Variants in GRAMD4 observed in about 807,000 individuals in gnomAD.
GRAMD4 encodes the protein GRAM domain-containing protein 4.
A neutral mutation model predicts 83.9 loss-of-function variants in GRAMD4; 25 were observed. The ratio of observed to expected loss-of-function variants is 0.30; its 90% CI spans 0.22 to 0.42. The LOEUF (loss-of-function observed/expected upper bound fraction) is 0.42, where lower values mean the gene tolerates loss of function less well. GRAMD4 is among the 10% of genes least tolerant of loss of function. The pLI is 1.00. For synonymous variants in GRAMD4, 336 were observed against 320.9 expected (o/e 1.05, Z -0.50); for missense variants, 593 against 788.7 (o/e 0.75, Z 2.97).
chr22:46,617,898 C>G (rs2081525449), upstream of GRAMD4, among the ~76,000 whole-genome samples: 1 of 152,236 alleles, frequency 6.6e-6, no homozygotes, highest in South Asian at 2.1e-4. Flanking sequence ...AGGTTTCTTC[C>G]TGGAGAAACA....
intron 8 of GRAMD4, 27 bp downstream of exon 8, chr22:46,664,144 A>G (rs767990298): frequency 7.7e-7 from 1 of 1,299,928 alleles, no homozygotes; most frequent in South Asian, 1.2e-5. Context: ...GGGGCCGAGC[A>G]GGGTGGGTGG....
chr22:46,575,905 C>A (rs1019914630), upstream of GRAMD4: 1 of 152,298 alleles, frequency 6.6e-6, no homozygotes, highest in Non-Finnish European at 1.5e-5. Context: ...GCCTCTAACC[C>A]AGGTCCATCA....
intron 3 of GRAMD4, among the ~76,000 whole-genome samples, chr22:46,657,943 C>G (rs923411724): frequency 2.6e-5 from 4 of 152,220 alleles, no homozygotes; most frequent in African/African-American, 4.8e-5. Flanking sequence ...TCACCCACCT[C>G]TTGCCCCAGT....
At chr22:46,665,972 G>A (rs774637124) in intron 9 of GRAMD4, among the ~76,000 whole-genome samples, 26 of 152,340 alleles carry the variant, frequency 1.7e-4, no homozygotes, top group South Asian at 4.1e-4. Context: ...GCACCTGCCC[G>A]AACATCGCAG....
intron 1 of GRAMD4, among the ~76,000 whole-genome samples, chr22:46,612,705 A>G (rs1190022242): frequency 6.6e-6 from 1 of 152,214 alleles, no homozygotes; most frequent in Non-Finnish European, 1.5e-5. Context: ...AGCCTGGTGC[A>G]AGGAACCTTA....
intron 1 of GRAMD4, among the ~76,000 whole-genome samples, chr22:46,606,636 A>T (rs61711562): frequency 1.3e-3 from 109 of 86,656 alleles, no homozygotes; most frequent in Middle Eastern, 5.7e-3. Flanking sequence ...GGCTTATGGC[A>T]GGTGCTGAGC....
upstream of GRAMD4, among the ~76,000 whole-genome samples, chr22:46,617,058 G>A (rs565848054): frequency 1.4e-4 from 18 of 126,350 alleles, no homozygotes; most frequent in Non-Finnish European, 1.8e-4. Context: ...GGGTTCCCCC[G>A]TGTGTAGGTT....
At chr22:46,617,866 A>T (rs115816062), upstream of GRAMD4, among the ~76,000 whole-genome samples, 240 of 152,336 alleles carry the variant, frequency 1.6e-3, 1 homozygote, top group African/African-American at 5.5e-3. Context: ...GCCTGAAGAT[A>T]CTTTGCCAAG....
chr22:46,664,461 A>ACTCAGCACT (rs1337521359), intron 8 of GRAMD4, among the ~76,000 whole-genome samples: 3 of 143,514 alleles, frequency 2.1e-5, no homozygotes, highest in African/African-American at 8.1e-5. Flanking sequence ...TCCACAGAGT[A>ACTCAGCACT]CCTGGTGCTG....
At position 46,637,860 on chromosome 22, in the gene GRAMD4, C is replaced by G. The variant is rs200303713; in HGVS notation, c.183C>G (p.Ile61Met). 2.1e-4 allele frequency: 336 copies of G among 1,613,980 alleles called. No homozygotes were observed. The highest frequency in any genetic ancestry group is 2.7e-4 in the Non-Finnish European group (323 of 1,179,946). Reference sequence around the variant, plus strand: ...TCTAGGCTGGTCCAGGGACCCTCATCATGGCCACAGGAGTCCAGGACTTTA... The same window carrying G: ...TCTAGGCTGGTCCAGGGACCCTCATGATGGCCACAGGAGTCCAGGACTTTA... ...LRDPAGPGTL[I>M]MATGVQDFNR... The change falls in exon 3 of 19, where the codon ATC (isoleucine) becomes ATG (methionine). Residue 61 changes from isoleucine (I) to methionine (M), a missense_variant. By Grantham distance (10) the Ile-to-Met change is conservative. Around this residue, in one of 4 missense-constraint regions of GRAMD4, gnomAD observed 312 missense variants for 350.7 expected, o/e 0.89. Coordinates refer to ENST00000406902, the MANE Select transcript of GRAMD4 (RefSeq NM_015124.5).
In GRAMD4 at chr22:46,626,933, C is replaced by T; in HGVS notation, c.134C>T (p.Pro45Leu). 6.2e-7 allele frequency: 1 copy of T among 1,613,888 alleles called. No individual in the cohort carries two copies. Among genetic ancestry groups the T allele is most frequent in the Non-Finnish European group, 8.5e-7 (1 of 1,179,786 alleles). ...EIPLKVPRTS[P>L]RDSEELRDPA... The stretch of plus-strand genomic sequence containing the variant: ...CCCCTGAAGGTACCGCGGACCTCGC[C>T]CCGGGACAGCGAGGAGCTGAGGGAC... The change falls in exon 2 of 19, where the codon CCC becomes CTC. Residue 45 changes from proline to leucine, a missense_variant. Physicochemically the swap from Pro to Leu is moderately conservative, Grantham distance 98. Transcript: ENST00000406902.
At chr22:46,595,069 GC>G (rs147463216) in intron 1 of GRAMD4, among the ~76,000 whole-genome samples, 3 of 152,270 alleles carry the variant, frequency 2.0e-5, no homozygotes, top group Non-Finnish European at 2.9e-5. Flanking sequence ...AGGCAAAGCA[GC>G]AGGAAAGTTG....
chr22:46,663,602 C>T (rs904904341), intron 6 of GRAMD4, among the ~76,000 whole-genome samples: 3 of 152,212 alleles, frequency 2.0e-5, no homozygotes, highest in Admixed American at 6.5e-5. Flanking sequence ...GATGAGGGGA[C>T]GATTTCATTG....
At chr22:46,588,018 G>T (rs2081168260) in intron 1 of GRAMD4, 2 of 873,148 alleles carry the variant, frequency 2.3e-6, no homozygotes, top group African/African-American at 1.8e-5. Flanking sequence ...GGAGTGGGTG[G>T]TGTCTACTTG....
chr22:46,607,435 C>T (rs2081376524), intron 1 of GRAMD4, among the ~76,000 whole-genome samples: 2 of 152,176 alleles, frequency 1.3e-5, no homozygotes, highest in Admixed American at 6.5e-5. Flanking sequence ...GAGCCAGGAA[C>T]CAGCCCTCCA....
intron 3 of GRAMD4, among the ~76,000 whole-genome samples, chr22:46,640,159 A>T (rs1185658624): frequency 6.6e-6 from 1 of 152,242 alleles, no homozygotes; most frequent in Admixed American, 6.5e-5. Flanking sequence ...AGGCTGCCTT[A>T]TCCGCTGAAC....
At position 46,658,294 on chromosome 22, in the gene GRAMD4, G is replaced by T. The variant is rs1038984344; in HGVS notation, c.391G>T (p.Val131Leu). ...GGAGCTGGAGCAGAAGGTGCAGGAG[G>T]TGCTGAAGGCCAGGTACCGCGCCTT... ...RMELEQKVQE[V>L]LKARTEEQMA... is the part of the protein sequence containing the mutation. Residue 131 changes from valine (V) to leucine (L), a missense_variant, in exon 4 of 19, where the codon GTG (valine) becomes TTG (leucine). Transcript: ENST00000406902. The T allele has an allele frequency of 1.9e-6, 3 of 1,611,578 alleles. No individual in the cohort carries two copies. The highest frequency in any genetic ancestry group is 1.7e-5 in the Admixed American group (1 of 59,918).
chr22:46,609,987 C>T (rs2147086499), intron 1 of GRAMD4, among the ~76,000 whole-genome samples: 1 of 152,340 alleles, frequency 6.6e-6, no homozygotes, highest in South Asian at 2.1e-4. Flanking sequence ...GCTGGCTCCT[C>T]TGCCTTGGGT....
intron 1 of GRAMD4, among the ~76,000 whole-genome samples, chr22:46,607,753 G>A (rs933997256): frequency 2.0e-5 from 3 of 152,192 alleles, no homozygotes; most frequent in Non-Finnish European, 2.9e-5. Flanking sequence ...GAATGGGACC[G>A]AGTGCCCTAC....
Sources: gnomAD v4.1 joint callset for allele counts (sites outside exome capture counted in the v4.1 genomes callset) on GRCh38, gnomAD v4.1.1 for gene constraint, gnomAD v4.1.1 regional missense constraint, MANE v1.5 for transcripts, NCBI Gene and HGNC (gene_info 2026-07-23, HGNC 2026-07-21) for gene names.